The following SLC35F4 variants were observed in gnomAD, a reference collection of about 807,000 sequenced individuals.
SLC35F4 encodes chromosome 14 open reading frame 36.
In SLC35F4, 24 loss-of-function variants were observed where a neutral mutation model predicts 44.2. The ratio of observed to expected loss-of-function variants is 0.54; its 90% CI spans 0.39 to 0.76. SLC35F4 has a LOEUF of 0.76. Among genes scored for constraint, SLC35F4 ranks in the 30% least tolerant of loss-of-function variants. SLC35F4 has a pLI of 0.00. For missense variants in SLC35F4, 562 were observed against 586.1 expected, an observed-to-expected ratio of 0.96 and a Z score of 0.42; for synonymous variants, 238 against 223.6, an observed-to-expected ratio of 1.06 and a Z score of -0.57.
intron 1 of SLC35F4, among the ~76,000 whole-genome samples, chr14:57,890,620 C>G (rs1187153460): frequency 6.6e-6 from 1 of 152,176 alleles, no homozygotes; most frequent in African/African-American, 2.4e-5. Flanking sequence ...CTAGGCCTCT[C>G]TGAAACACAC....
At chr14:57,769,830 T>A (rs2077319898) in intron 1 of SLC35F4, among the ~76,000 whole-genome samples, 1 of 152,244 alleles carries the variant, frequency 6.6e-6, no homozygotes, top group Non-Finnish European at 1.5e-5. Context: ...TTCTGCTTGT[T>A]TCTTTATAAG....
At chr14:57,825,460 C>T (rs997569854) in intron 1 of SLC35F4, among the ~76,000 whole-genome samples, 1 of 152,110 alleles carries the variant, frequency 6.6e-6, no homozygotes, top group Admixed American at 6.6e-5. Context: ...AGGCAACCAT[C>T]ACAAGGATTT....
In SLC35F4 at chr14:57,707,343, A is replaced by G. The variant is rs118126521; in HGVS notation, c.104-113219T>C. ...GAGGGACTTGGTGGGAAGAGATTGGATCACGGGGGCAGTTTCACCCATGCT... is the reference window on the plus strand; with the variant it reads ...GAGGGACTTGGTGGGAAGAGATTGGGTCACGGGGGCAGTTTCACCCATGCT... On this transcript the variant is annotated intron_variant, in intron 1 of 7. Transcript: ENST00000556826. Among the ~76,000 whole-genome samples, 1,162 of 152,238 alleles carry G rather than the reference A, an allele frequency of 7.6e-3. 8 individuals carry two copies. Among genetic ancestry groups the G allele is most frequent in the Non-Finnish European group, 0.013 (909 of 68,004 alleles).
chr14:57,677,907 G>A, intron 1 of SLC35F4, among the ~76,000 whole-genome samples: 1 of 151,972 alleles, frequency 6.6e-6, no homozygotes, highest in East Asian at 1.9e-4. Flanking sequence ...AACAAAAGAG[G>A]CAGCATCACT....
chr14:57,885,220 T>C (rs1028412647), intron 1 of SLC35F4, among the ~76,000 whole-genome samples: 2 of 152,298 alleles, frequency 1.3e-5, no homozygotes, highest in African/African-American at 4.8e-5. Flanking sequence ...ATCTAATCAC[T>C]AGCTGTGTCA....
At chr14:57,573,239 T>C (rs1474634199) in intron 4 of SLC35F4, among the ~76,000 whole-genome samples, 1 of 152,202 alleles carries the variant, frequency 6.6e-6, no homozygotes, top group East Asian at 1.9e-4. Context: ...CTAAAGCATG[T>C]CTTTTGTTAG....
chr14:57,775,081 C>T (rs969279540), intron 1 of SLC35F4, among the ~76,000 whole-genome samples: 2 of 152,148 alleles, frequency 1.3e-5, no homozygotes, highest in African/African-American at 4.8e-5. Flanking sequence ...ACCCAACGAC[C>T]TCCTGAGTGA....
chr14:57,569,707 G>A (rs1385818909), intron 6 of SLC35F4, 81 bp downstream of exon 6: 1 of 1,377,850 alleles, frequency 7.3e-7, no homozygotes, highest in Non-Finnish European at 9.6e-7. Context: ...GTTACCCAAG[G>A]AAATAATCCT....
intron 1 of SLC35F4, among the ~76,000 whole-genome samples, chr14:57,945,859 T>C (rs1890016649): frequency 6.6e-6 from 1 of 152,194 alleles, no homozygotes. Flanking sequence ...TCATTTGCAT[T>C]TACCTGATGA....
chr14:57,757,513 A>G (rs901318204), intron 1 of SLC35F4, among the ~76,000 whole-genome samples: 6 of 151,278 alleles, frequency 4.0e-5, no homozygotes, highest in Admixed American at 3.3e-4. Context: ...TTTTTGGCTT[A>G]TTAACTATAA....
intron 1 of SLC35F4, among the ~76,000 whole-genome samples, chr14:57,648,460 A>G (rs1481841496): frequency 6.6e-6 from 1 of 152,212 alleles, no homozygotes; most frequent in Non-Finnish European, 1.5e-5. Context: ...ACAATATGTC[A>G]TAGTTTATTG....
intron 1 of SLC35F4, among the ~76,000 whole-genome samples, chr14:57,816,071 T>C (rs1882545269): frequency 6.6e-6 from 1 of 152,182 alleles, no homozygotes; most frequent in African/African-American, 2.4e-5. Flanking sequence ...CCAGCAACAT[T>C]GTTCTTTCAA....
intron 1 of SLC35F4, among the ~76,000 whole-genome samples, chr14:57,628,209 A>G (rs1351832464): frequency 2.0e-4 from 30 of 149,438 alleles, no homozygotes; most frequent in African/African-American, 7.1e-4. Context: ...GTTGTACAGA[A>G]AAAAGACATC....
intron 1 of SLC35F4, among the ~76,000 whole-genome samples, chr14:57,957,341 G>A (rs1007051188): frequency 6.6e-6 from 1 of 151,874 alleles, no homozygotes; most frequent in Admixed American, 6.6e-5. Flanking sequence ...TAACGTAGGT[G>A]ACAGGTTGAT....
chr14:57,857,801 C>T (rs1248844328), intron 1 of SLC35F4, among the ~76,000 whole-genome samples: 1 of 151,984 alleles, frequency 6.6e-6, no homozygotes, highest in Non-Finnish European at 1.5e-5. Flanking sequence ...TTAAACTGCA[C>T]TTCTAAAGAT....
Position 57,564,351 on chromosome 14 carries a change from C to A in SLC35F4, c.1242G>T (p.Val414=). ...NAAVDLLKQE[V]IFNVVRLAAT... ...CAGCCAGGCGGACAACATTGAATATCACCTCCTGCTTTAGGAGATCCACAG... is the reference window on the plus strand; with the variant it reads ...CAGCCAGGCGGACAACATTGAATATAACCTCCTGCTTTAGGAGATCCACAG... The change falls in exon 8 of 8, where the codon GTG becomes GTT. Residue 414 remains valine, a synonymous_variant. Transcript: ENST00000556826. 6.2e-7 allele frequency: 1 copy of A among 1,608,692 alleles called. No individual in the cohort carries two copies. Among genetic ancestry groups the A allele is most frequent in the Non-Finnish European group, 8.5e-7 (1 of 1,177,484 alleles).
chr14:57,859,417 T>C (rs1887484016), intron 1 of SLC35F4, among the ~76,000 whole-genome samples: 3 of 152,200 alleles, frequency 2.0e-5, no homozygotes, highest in African/African-American at 7.2e-5. Flanking sequence ...TTATGAGTAA[T>C]TTTGTTTTAA....
intron 1 of SLC35F4, among the ~76,000 whole-genome samples, chr14:57,947,020 G>T (rs1171768683): frequency 6.6e-6 from 1 of 150,822 alleles, no homozygotes; most frequent in East Asian, 2.0e-4. Context: ...TGTGAAGAAT[G>T]ATATTGGTAT....
chr14:57,884,872 A>T (rs1888614611), intron 1 of SLC35F4, among the ~76,000 whole-genome samples: 2 of 152,122 alleles, frequency 1.3e-5, no homozygotes, highest in African/African-American at 4.8e-5. Context: ...TTACAACAAA[A>T]CACAGAAGGT....
Sources: allele counts gnomAD v4.1 joint callset (sites outside exome capture counted in the v4.1 genomes callset), GRCh38; gene constraint gnomAD v4.1.1; transcripts MANE v1.5; gene names NCBI Gene and HGNC (gene_info 2026-07-23, HGNC 2026-07-21).